NUDCD1: variants seen among roughly 807,000 people sequenced by gnomAD.
The protein encoded by NUDCD1 is NudC domain containing 1, also known as nudC domain-containing protein 1.
A neutral mutation model predicts 67.8 loss-of-function variants in NUDCD1; 60 were observed. The ratio of observed to expected loss-of-function variants is 0.88; its 90% CI spans 0.72 to 1.10. The LOEUF is 1.10. Ranked by LOEUF, NUDCD1 falls within the 50% of genes least tolerant of loss-of-function variation. The pLI, the probability that NUDCD1 is intolerant of heterozygous loss-of-function variation, is 0.00. For synonymous variants in NUDCD1, 244 were observed against 230.8 expected, an observed-to-expected ratio of 1.06 and a Z score of -0.52; for missense variants, 643 against 695.0, an observed-to-expected ratio of 0.93 and a Z score of 0.84.
chr8:109,329,920 A>G, intron 1 of NUDCD1: 1 of 1,530,902 alleles, frequency 6.5e-7, no homozygotes, highest in Non-Finnish European at 8.8e-7. Context: ...AGTATGATAA[A>G]GTCTATGAAG....
At chr8:109,250,352 A>T (rs1813594891) in intron 8 of NUDCD1, among the ~76,000 whole-genome samples, 1 of 152,236 alleles carries the variant, frequency 6.6e-6, no homozygotes, top group South Asian at 2.1e-4. Flanking sequence ...CAATTCAAAG[A>T]TTCCAAACTA....
At chr8:109,263,660 T>C (rs1813921917) in intron 8 of NUDCD1, among the ~76,000 whole-genome samples, 2 of 152,142 alleles carry the variant, frequency 1.3e-5, no homozygotes, top group South Asian at 4.1e-4. Flanking sequence ...GAGTGGCATA[T>C]ACACACAATC....
chr8:109,248,591 A>T (rs1813552495), intron 8 of NUDCD1, among the ~76,000 whole-genome samples: 1 of 152,148 alleles, frequency 6.6e-6, no homozygotes, highest in Non-Finnish European at 1.5e-5. Context: ...TTCTTAACCT[A>T]ACAAGAGGGT....
intron 2 of NUDCD1, among the ~76,000 whole-genome samples, chr8:109,303,152 A>G (rs2130068173): frequency 6.6e-6 from 1 of 152,208 alleles, no homozygotes; most frequent in South Asian, 2.1e-4. Context: ...GCTGTCTCCC[A>G]TCTGTGTGGG....
chr8:109,251,007 T>C (rs1226646991), intron 8 of NUDCD1, among the ~76,000 whole-genome samples: 1 of 152,182 alleles, frequency 6.6e-6, no homozygotes, highest in African/African-American at 2.4e-5. Context: ...TGTTCCTTTC[T>C]CTTCAACTTT....
chr8:109,248,732 AG>A (rs1485765426), intron 8 of NUDCD1, among the ~76,000 whole-genome samples: 2 of 150,834 alleles, frequency 1.3e-5, no homozygotes, highest in Non-Finnish European at 3.0e-5. Flanking sequence ...AAAAAAAAAA[AG>A]GTCCACATTG....
chr8:109,329,384 T>G (rs1008521077), intron 1 of NUDCD1, among the ~76,000 whole-genome samples: 3 of 151,850 alleles, frequency 2.0e-5, no homozygotes, highest in African/African-American at 7.3e-5. Context: ...ACCCCAAACA[T>G]AAGAATCATA....
intron 2 of NUDCD1, chr8:109,313,754 T>A: frequency 7.8e-6 from 4 of 510,054 alleles, no homozygotes; most frequent in Non-Finnish European, 1.4e-5. Context: ...TTCTTCATTT[T>A]ATACACAATT....
At position 109,245,414 on chromosome 8, in the gene NUDCD1, C is replaced by G; in HGVS notation, c.1367G>C (p.Cys456Ser). The change falls in exon 9 of 10, where the codon TGT becomes TCT. Residue 456 changes from cysteine (C) to serine (S), a missense_variant. Coordinates refer to ENST00000239690, the MANE Select transcript of NUDCD1 (RefSeq NM_032869.4). ...TAGGGCATCAACATCATGGCGCAAA[C>G]AGAAGCAGGGCATTTCTTTAGGATC... is the stretch of plus-strand genomic sequence containing the variant. ...IVDPKEMPCF[C>S]LRHDVDALLW... 2 of 1,613,776 alleles carry G rather than the reference C, an allele frequency of 1.2e-6. No individual in the cohort carries two copies. Among genetic ancestry groups the G allele is most frequent in the Non-Finnish European group, 1.7e-6 (2 of 1,179,874 alleles).
chr8:109,254,730 T>C (rs1016047310), intron 8 of NUDCD1, among the ~76,000 whole-genome samples: 29 of 152,162 alleles, frequency 1.9e-4, no homozygotes, highest in African/African-American at 6.5e-4. Flanking sequence ...AATTAAAGAC[T>C]ACTGAAGATT....
chr8:109,293,274 G>A, intron 4 of NUDCD1, 70 bp downstream of exon 4: 1 of 790,998 alleles, frequency 1.3e-6, no homozygotes, highest in Non-Finnish European at 2.0e-6. Context: ...TATTTACAGG[G>A]ACAGCTTTGT....
At chr8:109,262,120 T>A (rs1813875786) in intron 8 of NUDCD1, among the ~76,000 whole-genome samples, 1 of 152,174 alleles carries the variant, frequency 6.6e-6, no homozygotes, top group African/African-American at 2.4e-5. Context: ...AAAAAGAAAA[T>A]TTAAATACTT....
chr8:109,243,175 A>G lies in NUDCD1; in HGVS notation c.1586T>C (p.Val529Ala), dbSNP rs774570490. The change falls in exon 10 of 10, where the codon GTA (valine) becomes GCA (alanine). Residue 529 changes from valine (V) to alanine (A), a missense_variant. Transcript: ENST00000239690. ...CCTGCCTTCCTTTCTGTTGTAAAGT[A>G]CAGTGGACATGGGAGCAGGCTGACG... is the stretch of plus-strand genomic sequence containing the variant. Reference protein sequence around the residue: ...IYRQPAPMSTVLYNRKEGRQV... With the variant: ...IYRQPAPMSTALYNRKEGRQV... 18 of 1,613,820 alleles carry G rather than the reference A, an allele frequency of 1.1e-5. No individual in the cohort carries two copies. The East Asian group carries it at 3.8e-4, about 34-fold the overall frequency.
At chr8:109,287,767 C>T (rs780974481) in intron 5 of NUDCD1, among the ~76,000 whole-genome samples, 1 of 151,844 alleles carries the variant, frequency 6.6e-6, no homozygotes, top group Non-Finnish European at 1.5e-5. Flanking sequence ...ACATGTACCC[C>T]GTGAATATAA....
intron 1 of NUDCD1, among the ~76,000 whole-genome samples, chr8:109,325,284 T>C (rs1291643564): frequency 6.6e-6 from 1 of 152,102 alleles, no homozygotes; most frequent in African/African-American, 2.4e-5. Context: ...GATAGCACAG[T>C]TGGGTGACTA....
chr8:109,242,805 C>A lies in NUDCD1; in HGVS notation c.*204G>T. On this transcript the variant is annotated 3_prime_UTR_variant, in exon 10 of 10. Coordinates refer to ENST00000239690, the MANE Select transcript of NUDCD1 (RefSeq NM_032869.4). ...TTCACTCTTTTTTTTTTTCAGAAGC[C>A]AATGTTCTCTAAATCTGCAGCTTCA... The A allele has an allele frequency of 3.0e-6, 1 of 337,522 alleles. No homozygotes were observed. Among genetic ancestry groups the A allele is most frequent in the South Asian group, 8.9e-5 (1 of 11,250 alleles). The allele number at this position is 337,522 out of a possible 1,614,324, so 20.9% of individuals were successfully genotyped here.
intron 4 of NUDCD1, among the ~76,000 whole-genome samples, chr8:109,291,053 G>A (rs1005779174): frequency 2.6e-5 from 4 of 152,160 alleles, no homozygotes; most frequent in African/African-American, 9.7e-5. Flanking sequence ...TATTTATAGC[G>A]TGGCCTTTCC....
intron 8 of NUDCD1, among the ~76,000 whole-genome samples, chr8:109,266,811 ATT>A (rs918034983): frequency 6.6e-6 from 1 of 152,098 alleles, no homozygotes; most frequent in South Asian, 2.1e-4. Flanking sequence ...GATATTTAAT[ATT>A]TCTTTTATTG....
chr8:109,243,227 C>A lies in NUDCD1; in HGVS notation c.1534G>T (p.Glu512Ter). The change falls in exon 10 of 10, where the codon GAG becomes TAG. Residue 512 changes from glutamate to a stop codon, truncating the protein, a stop_gained. Coordinates refer to ENST00000239690, the MANE Select transcript of NUDCD1 (RefSeq NM_032869.4). LOFTEE classifies it high-confidence loss of function. ...TAGATGAATACTCGACGAAGGCACTCACAAAGGGCTGCATACGAGTAATTT... is the reference window on the plus strand; with the variant it reads ...TAGATGAATACTCGACGAAGGCACTAACAAAGGGCTGCATACGAGTAATTT... The part of the protein sequence containing the change: ...APNYSYAALC[E>*]CLRRVFIYRQ... The A allele has an allele frequency of 1.2e-6, 2 of 1,613,244 alleles. No individual in the cohort carries two copies. Among genetic ancestry groups the A allele is most frequent in the Non-Finnish European group, 1.7e-6 (2 of 1,179,396 alleles).
Sources: gnomAD v4.1 joint callset for allele counts (sites outside exome capture counted in the v4.1 genomes callset) on GRCh38, gnomAD v4.1.1 for gene constraint, MANE v1.5 for transcripts, NCBI Gene and HGNC (gene_info 2026-07-23, HGNC 2026-07-21) for gene names.